The following DNAH6 variants were observed in gnomAD, a reference collection of about 807,000 sequenced individuals.
The protein encoded by DNAH6 is dynein axonemal heavy chain 6, also known as axonemal beta dynein heavy chain 6.
In DNAH6, 340 loss-of-function variants were observed where a neutral mutation model predicts 491.4. The ratio of observed to expected loss-of-function variants is 0.69; its 90% confidence interval spans 0.63 to 0.76. The LOEUF is 0.76. DNAH6 is among the 30% of genes least tolerant of loss of function. DNAH6 has a pLI of 0.00. For synonymous variants in DNAH6, 1,603 were observed against 1,686.1 expected, an observed-to-expected ratio of 0.95 and a Z score of 1.21; for missense variants, 4,443 against 4,972.2, an observed-to-expected ratio of 0.89 and a Z score of 3.20.
rs1698777697 is a variant in DNAH6 at position 84,727,789 on chromosome 2, C to T, written c.10093C>T (p.Gln3365Ter). ...YVNVSRGLFE[Q>*]HKLIYSFMLC... is the part of the protein sequence containing the mutation. ...CAATGTTTCAAGAGGACTTTTTGAG[C>T]AACATAAACTCATCTACAGCTTTAT... The change falls in exon 61 of 77, where the codon CAA becomes TAA. Residue 3365 changes from glutamine to a stop codon, truncating the protein, a stop_gained. Coordinates refer to ENST00000389394, the MANE Select transcript of DNAH6 (RefSeq NM_001370.2). LOFTEE classifies it high-confidence loss of function. 1.9e-6 allele frequency: 3 copies of T among 1,551,330 alleles called. No homozygotes were observed. Among genetic ancestry groups the T allele is most frequent in the Non-Finnish European group, 2.6e-6 (3 of 1,146,614 alleles).
chr2:84,595,511 C>G, intron 17 of DNAH6, 135 bp from the exon 18 acceptor site: 1 of 749,784 alleles, frequency 1.3e-6, no homozygotes, highest in Non-Finnish European at 2.1e-6. Flanking sequence ...ATGTTATTAG[C>G]AATTTAATAA....
chr2:84,496,040 C>T, the DNAH6 span, among the ~76,000 whole-genome samples: 48 of 152,234 alleles, frequency 3.2e-4, no homozygotes, highest in African/African-American at 1.1e-3. Context: ...CTCCACGCTT[C>T]TCAGCAGCTG....
chr2:84,738,006 A>T (rs1672169538), intron 62 of DNAH6, among the ~76,000 whole-genome samples: 1 of 152,018 alleles, frequency 6.6e-6, no homozygotes, highest in Non-Finnish European at 1.5e-5. Context: ...CTCTCCTTTA[A>T]CACTGCTTTG....
intron 59 of DNAH6, among the ~76,000 whole-genome samples, chr2:84,719,250 G>A (rs999448993): frequency 6.6e-6 from 1 of 152,120 alleles, no homozygotes; most frequent in Non-Finnish European, 1.5e-5. Context: ...CTCTGCTTTA[G>A]CTTGTTTGTT....
intron 58 of DNAH6, among the ~76,000 whole-genome samples, chr2:84,715,942 C>T (rs900058446): frequency 2.0e-5 from 3 of 152,044 alleles, no homozygotes; most frequent in Non-Finnish European, 2.9e-5. Context: ...AGCAAGTGAA[C>T]GAAGTCAGTC....
chr2:84,708,451 A>G (rs1325088370), intron 54 of DNAH6, among the ~76,000 whole-genome samples: 1 of 120,892 alleles, frequency 8.3e-6, no homozygotes, highest in Non-Finnish European at 1.7e-5. Flanking sequence ...GAAGAAAGAA[A>G]GAGAGAAAGA....
chr2:84,546,242 C>T (rs998069810), intron 5 of DNAH6, among the ~76,000 whole-genome samples: 3 of 152,148 alleles, frequency 2.0e-5, no homozygotes, highest in African/African-American at 2.4e-5. Context: ...CCAAAATCCA[C>T]GGATGCTCAA....
intron 4 of DNAH6, among the ~76,000 whole-genome samples, chr2:84,543,615 C>T (rs771567162): frequency 1.8e-4 from 28 of 152,174 alleles, no homozygotes; most frequent in Admixed American, 9.8e-4. Flanking sequence ...TCATTTCTTT[C>T]TCCTGTCCTT....
chr2:84,584,651 G>T, intron 15 of DNAH6: 1 of 158,728 alleles, frequency 6.3e-6, no homozygotes, highest in Admixed American at 6.3e-5. Flanking sequence ...ATTGAATTTA[G>T]CCAATTAAAT....
chr2:84,556,097 A>G (rs868659910), intron 10 of DNAH6, among the ~76,000 whole-genome samples: 1 of 152,160 alleles, frequency 6.6e-6, no homozygotes, highest in Non-Finnish European at 1.5e-5. Context: ...ATGTTCTGTG[A>G]GTTGTTGATA....
intron 70 of DNAH6, among the ~76,000 whole-genome samples, chr2:84,799,728 C>T (rs1301915728): frequency 1.3e-5 from 2 of 152,194 alleles, no homozygotes; most frequent in East Asian, 1.9e-4. Context: ...AAGGAGGGAG[C>T]GCACTCCACC....
At chr2:84,522,233 G>A (rs1210925990) in intron 2 of DNAH6, among the ~76,000 whole-genome samples, 2 of 151,832 alleles carry the variant, frequency 1.3e-5, no homozygotes, top group Non-Finnish European at 2.9e-5. Context: ...CTTTTTTATG[G>A]CAATTGTGAA....
intron 72 of DNAH6, among the ~76,000 whole-genome samples, chr2:84,811,332 G>A (rs1268674018): frequency 6.6e-6 from 1 of 152,188 alleles, no homozygotes; most frequent in Non-Finnish European, 1.5e-5. Flanking sequence ...ATATATGGCA[G>A]TTTTCACAAC....
chr2:84,602,622 T>TC (rs1271842248), intron 18 of DNAH6, among the ~76,000 whole-genome samples: 7 of 151,638 alleles, frequency 4.6e-5, no homozygotes, highest in Non-Finnish European at 4.4e-5. Context: ...TGCTTGATGT[T>TC]CTCTGAGTTT....
chr2:84,510,879 C>A, the DNAH6 span, among the ~76,000 whole-genome samples: 4 of 152,172 alleles, frequency 2.6e-5, no homozygotes, highest in African/African-American at 9.7e-5. Context: ...GCAGAGGCTG[C>A]AGAACAGCAG....
chr2:84,682,130 T>G (rs1693841833), intron 42 of DNAH6, among the ~76,000 whole-genome samples: 1 of 152,238 alleles, frequency 6.6e-6, no homozygotes, highest in Admixed American at 6.5e-5. Flanking sequence ...AAGTTCTCCC[T>G]TTACTATACG....
intron 72 of DNAH6, among the ~76,000 whole-genome samples, chr2:84,810,277 C>T (rs1246854825): frequency 1.3e-5 from 2 of 152,204 alleles, no homozygotes; most frequent in Non-Finnish European, 2.9e-5. Flanking sequence ...AGATGTTACA[C>T]TCGTCATCTT....
intron 60 of DNAH6, among the ~76,000 whole-genome samples, chr2:84,726,774 A>G (rs1488673020): frequency 7.1e-6 from 1 of 141,232 alleles, no homozygotes; most frequent in African/African-American, 3.0e-5. Context: ...AAAGTATAAT[A>G]ATAATAAAAA....
In DNAH6 at chr2:84,683,718, C is replaced by T. The variant is rs145359726; in HGVS notation, c.6917-1608C>T. On this transcript the variant is annotated intron_variant, in intron 42 of 76. Transcript: ENST00000389394. ...GATTACAGGTGTGAGCCACTGCGCCCGGCCAATATTTTTTTTTCTCTAAAA... is the reference window on the plus strand; with the variant it reads ...GATTACAGGTGTGAGCCACTGCGCCTGGCCAATATTTTTTTTTCTCTAAAA... 6.2e-3 allele frequency among the ~76,000 whole-genome samples: 950 copies of T among 152,138 alleles called. 6 individuals are homozygous for T. The highest frequency in any genetic ancestry group is 0.017 in the Middle Eastern group (5 of 292).
Sources: gnomAD v4.1 joint callset for allele counts (sites outside exome capture counted in the v4.1 genomes callset) on GRCh38, gnomAD v4.1.1 for gene constraint, MANE v1.5 for transcripts, NCBI Gene and HGNC (gene_info 2026-07-23, HGNC 2026-07-21) for gene names.